Variants in SFXN5 observed in about 807,000 individuals in gnomAD.
SFXN5 encodes sideroflexin 5.
In SFXN5, 43 loss-of-function variants were observed where a neutral mutation model predicts 50.2. The observed-to-expected ratio is 0.86, with a 90% CI of 0.67 to 1.11. The LOEUF (loss-of-function observed/expected upper bound fraction) is 1.11, where lower values mean the gene tolerates loss of function less well. Among genes scored for constraint, SFXN5 ranks in the 50% least tolerant of loss-of-function variants. The pLI is 0.00. For synonymous variants in SFXN5, 203 were observed against 185.8 expected, an observed-to-expected ratio of 1.09 and a Z score of -0.75; for missense variants, 463 against 454.1, an observed-to-expected ratio of 1.02 and a Z score of -0.18.
In SFXN5 at chr2:73,001,576, T is replaced by C; in HGVS notation, c.360A>G (p.Val120=). ...TCTGGTTGGGCAAGAGAAGACCGACTACCTATGAGCAAGAGAGAAGAAATG... is the reference window on the plus strand; with the variant it reads ...TCTGGTTGGGCAAGAGAAGACCGACCACCTATGAGCAAGAGAGAAGAAATG... ...SGYIPFGTPI[V]VGLLLPNQTL... Residue 120 remains valine (V), a splice_region_variant and synonymous_variant, in exon 7 of 14, where the codon GTA becomes GTG. Transcript: ENST00000272433. The C allele has an allele frequency of 3.1e-6, 5 of 1,614,084 alleles. No homozygotes were observed. Among genetic ancestry groups the C allele is most frequent in the Non-Finnish European group, 4.2e-6 (5 of 1,179,988 alleles).
chr2:73,054,031 T>A (rs1681751513), intron 2 of SFXN5, among the ~76,000 whole-genome samples: 1 of 152,162 alleles, frequency 6.6e-6, no homozygotes, highest in Non-Finnish European at 1.5e-5. Flanking sequence ...ATTGCATTGA[T>A]GGAGATGACC....
chr2:73,025,250 G>A (rs1677412224), intron 3 of SFXN5, among the ~76,000 whole-genome samples: 1 of 151,628 alleles, frequency 6.6e-6, no homozygotes, highest in South Asian at 2.1e-4. Context: ...TCCCTGGTGC[G>A]ACCCCAGGCC....
chr2:73,047,271 T>TAC (rs1559199861), intron 2 of SFXN5, among the ~76,000 whole-genome samples: 1 of 71,176 alleles, frequency 1.4e-5, no homozygotes, highest in African/African-American at 6.4e-5. Context: ...TATATATATA[T>TAC]ATATACACAC....
At chr2:73,012,020 A>G (rs1198475250) in intron 6 of SFXN5, among the ~76,000 whole-genome samples, 1 of 152,242 alleles carries the variant, frequency 6.6e-6, no homozygotes, top group East Asian at 1.9e-4. Flanking sequence ...CAGCAGAGAA[A>G]ACAAACAAAT....
At chr2:73,063,704 AGAGT>A (rs1559222562) in intron 1 of SFXN5, among the ~76,000 whole-genome samples, 1 of 152,220 alleles carries the variant, frequency 6.6e-6, no homozygotes, top group African/African-American at 2.4e-5. Context: ...AGGACCTTAT[AGAGT>A]GAGACATGAG....
chr2:73,059,962 C>G (rs1312311441), intron 1 of SFXN5: 2 of 716,282 alleles, frequency 2.8e-6, no homozygotes, highest in Non-Finnish European at 3.4e-6. Context: ...TGACTGAATA[C>G]TATGCAGCCT....
chr2:72,995,480 G>T (rs1484186117), intron 9 of SFXN5, among the ~76,000 whole-genome samples: 3 of 152,114 alleles, frequency 2.0e-5, no homozygotes, highest in African/African-American at 7.2e-5. Flanking sequence ...CAGGGTTGCT[G>T]GCCAAGGTCA....
At position 72,953,302 on chromosome 2, in the gene SFXN5, G is replaced by T. The variant is rs1338661273; in HGVS notation, c.945+7829C>A. ...CAAAAATAGCCCACTTTAGAGTTCA[G>T]TAGGGACTGATTAAACCAGTAAATG... On this transcript the variant is annotated intron_variant, in intron 13 of 13. Coordinates refer to ENST00000272433, the MANE Select transcript of SFXN5 (RefSeq NM_144579.3). The surrounding 1 kb of genome is among the most constrained non-coding windows in gnomAD (Gnocchi z 4.1). Among the ~76,000 whole-genome samples the T allele has an allele frequency of 6.6e-6, 1 of 152,190 alleles. No individual in the cohort carries two copies. The highest frequency in any genetic ancestry group is 2.4e-5 in the African/African-American group (1 of 41,438).
chr2:72,971,257 G>C (rs927436722), intron 11 of SFXN5, among the ~76,000 whole-genome samples: 2 of 152,122 alleles, frequency 1.3e-5, no homozygotes, highest in South Asian at 2.1e-4. Flanking sequence ...GGGGAAGAGA[G>C]CTCTGAGGGA....
intron 3 of SFXN5, among the ~76,000 whole-genome samples, chr2:73,037,355 CA>C (rs1679118377): frequency 1.3e-5 from 2 of 152,196 alleles, no homozygotes; most frequent in Non-Finnish European, 2.9e-5. Context: ...CTCTATCCCC[CA>C]GGCCCTACCC....
chr2:73,016,605 T>C (rs565265231), intron 6 of SFXN5, among the ~76,000 whole-genome samples: 2 of 152,310 alleles, frequency 1.3e-5, no homozygotes, highest in South Asian at 4.1e-4. Flanking sequence ...TTCAGAAGGC[T>C]GAGGCAGGAG....
intron 12 of SFXN5, among the ~76,000 whole-genome samples, chr2:72,968,153 A>G (rs1350418050): frequency 6.6e-6 from 1 of 151,326 alleles, no homozygotes; most frequent in East Asian, 1.9e-4. Context: ...ACACACACAC[A>G]CACACACACA....
chr2:72,964,168 G>A (rs1674097895), intron 12 of SFXN5, among the ~76,000 whole-genome samples: 3 of 152,232 alleles, frequency 2.0e-5, no homozygotes, highest in Non-Finnish European at 4.4e-5. Context: ...ACCACAGCTT[G>A]TCCCCCTCAT....
intron 3 of SFXN5, among the ~76,000 whole-genome samples, chr2:73,026,523 G>GT (rs1182889357): frequency 6.6e-6 from 1 of 152,116 alleles, no homozygotes. Context: ...CAAGAGAGGT[G>GT]AAAAATTCCT....
At chr2:72,972,549 C>T (rs1488465876) in intron 10 of SFXN5, among the ~76,000 whole-genome samples, 1 of 152,196 alleles carries the variant, frequency 6.6e-6, no homozygotes, top group African/African-American at 2.4e-5. Flanking sequence ...GCAACTAGCT[C>T]AGGGATCCTC....
intron 6 of SFXN5, 198 bp downstream of exon 6, chr2:73,020,041 G>T: frequency 1.7e-6 from 1 of 574,998 alleles, no homozygotes; most frequent in Non-Finnish European, 3.0e-6. Context: ...AAGTCATCAG[G>T]CTTTTTATGA....
At chr2:73,064,244 T>C (rs985135472) in intron 1 of SFXN5, among the ~76,000 whole-genome samples, 1 of 152,250 alleles carries the variant, frequency 6.6e-6, no homozygotes, top group Non-Finnish European at 1.5e-5. Context: ...AGGAATAATA[T>C]ACTCGCTGAA....
chr2:73,050,388 G>GCGCGCACACA lies in SFXN5; in HGVS notation c.171+8139_171+8140insTGTGTGCGCG. On this transcript the variant is annotated intron_variant, in intron 2 of 13. Transcript: ENST00000272433. ...GTGGAGGTAGCGCCGCAGCCACAGC[G>GCGCGCACACA]CACGCACACACACACACACACACAC... Among the ~76,000 whole-genome samples the GCGCGCACACA allele has an allele frequency of 2.7e-3, 390 of 143,906 alleles. 5 individuals are homozygous for GCGCGCACACA. The highest frequency in any genetic ancestry group is 9.9e-3 in the South Asian group (46 of 4,664). 94.4% of individuals were successfully genotyped at this position (143,906 alleles called of 152,430 possible).
chr2:72,944,341 T>G lies in SFXN5; in HGVS notation c.*681A>C, dbSNP rs1211067104. On this transcript the variant is annotated 3_prime_UTR_variant, in exon 14 of 14. Transcript: ENST00000272433. ...ACTGGACTTCACTCAGAGGGACTGG[T>G]TCTGCAGCTCTGGAATGGATGTGGG... 1 of 152,302 alleles carries G rather than the reference T, an allele frequency of 6.6e-6. No homozygotes were observed. Among genetic ancestry groups the G allele is most frequent in the Non-Finnish European group, 1.5e-5 (1 of 68,120 alleles). The allele number at this position is 152,302 out of a possible 1,614,324, so 9.4% of individuals were successfully genotyped here. A position where few individuals can be genotyped will look rare whatever the true frequency, so the allele number is the denominator to read the frequency against.
Sources: allele counts gnomAD v4.1 joint callset (sites outside exome capture counted in the v4.1 genomes callset), GRCh38; gene constraint gnomAD v4.1.1; non-coding constraint Gnocchi (gnomAD v3.1); transcripts MANE v1.5; gene names NCBI Gene and HGNC (gene_info 2026-07-23, HGNC 2026-07-21).